The following ANKRD18A variants were observed in gnomAD, a reference collection of about 807,000 sequenced individuals.
ANKRD18A encodes the protein ankyrin repeat domain-containing protein 18A.
ANKRD18A carries 72 observed loss-of-function variants against 110.6 expected under a neutral mutation model. The ratio of observed to expected loss-of-function variants is 0.65; its 90% CI spans 0.54 to 0.79. The LOEUF is 0.79. ANKRD18A is among the 30% of genes least tolerant of loss of function. The pLI, the probability that ANKRD18A is intolerant of heterozygous loss-of-function variation, is 0.00. For synonymous variants in ANKRD18A, 305 were observed against 410.3 expected (o/e 0.74, Z 3.10); for missense variants, 934 against 1,163.3 (o/e 0.80, Z 2.87).
chr9:38,586,301 C>T lies in ANKRD18A; in HGVS notation c.2129G>A (p.Cys710Tyr), dbSNP rs565586851. 3 of 1,582,886 alleles carry T rather than the reference C, an allele frequency of 1.9e-6. No homozygotes were observed. The highest frequency in any genetic ancestry group is 2.6e-6 in the Non-Finnish European group (3 of 1,161,060). ...TAACATATTTATTGTCATTTCTAGG[C>T]ATTTCTTATATCTGCAGAAATGTAA... ...LEEEATGYKK[C>Y]LEMTINMLNA... Residue 710 changes from cysteine (C) to tyrosine (Y), a missense_variant, in exon 12 of 16, where the codon TGC becomes TAC. Around this residue, in one of 4 missense-constraint regions of ANKRD18A, gnomAD observed 79 missense variants for 122.8 expected, o/e 0.64. Coordinates refer to ENST00000399703, the MANE Select transcript of ANKRD18A (RefSeq NM_147195.4).
chr9:38,569,692 G>T (rs186940420), downstream of ANKRD18A, among the ~76,000 whole-genome samples: 5 of 152,208 alleles, frequency 3.3e-5, no homozygotes, highest in South Asian at 1.0e-3. Flanking sequence ...TGTTTGTCTT[G>T]CTTCTCTGGC....
chr9:38,569,262 G>A (rs1823552468), downstream of ANKRD18A: 2 of 967,354 alleles, frequency 2.1e-6, no homozygotes, highest in Non-Finnish European at 2.5e-6. Flanking sequence ...AAGGATGAAT[G>A]AGATGACTGT....
rs1431534581 is a variant in ANKRD18A at position 38,593,768 on chromosome 9, C to A, written c.1996G>T (p.Glu666Ter). Residue 666 changes from glutamate (E) to a stop codon, truncating the protein, a stop_gained, in exon 10 of 16, where the codon GAA (glutamate) becomes TAA (stop). Coordinates refer to ENST00000399703, the MANE Select transcript of ANKRD18A (RefSeq NM_147195.4). LOFTEE classifies it high-confidence loss of function. ...WTSKKKLFQV[E>*]IQPEEKHEEF... ...TTAAATTCCATACATACTTGAATTTCTACTTGAAATAATTTCTTCTTTGAA... is the reference window on the plus strand; with the variant it reads ...TTAAATTCCATACATACTTGAATTTATACTTGAAATAATTTCTTCTTTGAA... The A allele has an allele frequency of 6.5e-7, 1 of 1,527,828 alleles. No individual in the cohort carries two copies. Among genetic ancestry groups the A allele is most frequent in the Non-Finnish European group, 8.8e-7 (1 of 1,138,622 alleles). The allele number at this position is 1,527,828 out of a possible 1,614,324, so 94.6% of individuals were successfully genotyped here.
At chr9:38,586,106 TTACC>T in intron 12 of ANKRD18A, 73 bp downstream of exon 12, 2 of 1,339,266 alleles carry the variant, frequency 1.5e-6, no homozygotes, top group South Asian at 2.8e-5. Flanking sequence ...TGGCACACAT[TTACC>T]TATGTAACAA....
In ANKRD18A at chr9:38,575,610, G is replaced by C. The variant is rs1563953726; in HGVS notation, c.2830C>G (p.Pro944Ala). ...TCAACACAAGGTAACTCTGGTTCTG[G>C]CCTTGTAGGAAGAGTGCTGAGAAAA... ...KYFLSTLPTR[P>A]EPELPCVENL... Residue 944 changes from proline to alanine, a missense_variant, in exon 15 of 16, where the codon CCA (proline) becomes GCA (alanine). Pro to Ala is a conservative substitution (Grantham distance 27). Transcript: ENST00000399703. 6.4e-7 allele frequency: 1 copy of C among 1,551,654 alleles called. No individual in the cohort carries two copies. The highest frequency in any genetic ancestry group is 2.0e-5 in the Admixed American group (1 of 50,996).
chr9:38,582,569 G>C (rs1305135186), intron 12 of ANKRD18A, among the ~76,000 whole-genome samples: 6 of 151,706 alleles, frequency 4.0e-5, no homozygotes, highest in African/African-American at 1.5e-4. Flanking sequence ...TTTTATACAA[G>C]GTAACAAAAA....
At chr9:38,570,111 G>A (rs1823585834), downstream of ANKRD18A, among the ~76,000 whole-genome samples, 3 of 152,052 alleles carry the variant, frequency 2.0e-5, no homozygotes, top group Admixed American at 2.0e-4. Flanking sequence ...GGCCCCTAAT[G>A]AGCACTCCCC....
At chr9:38,609,188 T>C (rs1249647246) in intron 5 of ANKRD18A, among the ~76,000 whole-genome samples, 3 of 152,232 alleles carry the variant, frequency 2.0e-5, no homozygotes, top group South Asian at 4.1e-4. Flanking sequence ...TAAAAAACAC[T>C]GTAGCTGTGG....
chr9:38,582,971 T>C (rs1459614485), intron 12 of ANKRD18A, among the ~76,000 whole-genome samples: 6 of 152,214 alleles, frequency 3.9e-5, no homozygotes, highest in Admixed American at 2.0e-4. Flanking sequence ...CATTCATAAA[T>C]AACAAGATAA....
rs957957003 is a variant in ANKRD18A at position 38,601,337 on chromosome 9, A to G, written c.863-133T>C. ...GCTTAATGTTTACTGGAATATTTAC[A>G]TTTTTAAGAAACATTTCTAATTACC... On this transcript the variant is annotated intron_variant, in intron 7 of 15. Coordinates refer to ENST00000399703, the MANE Select transcript of ANKRD18A (RefSeq NM_147195.4). 22 of 942,440 alleles carry G rather than the reference A, an allele frequency of 2.3e-5. No homozygotes were observed. In the African/African-American group the frequency reaches 2.5e-4, roughly 11 times the overall value. 58.4% of individuals were successfully genotyped at this position (942,440 alleles called of 1,614,324 possible).
chr9:38,579,434 C>G (rs934968650), intron 12 of ANKRD18A, among the ~76,000 whole-genome samples: 1 of 151,960 alleles, frequency 6.6e-6, no homozygotes, highest in South Asian at 2.1e-4. Context: ...GACAAATATC[C>G]AAAGTACACA....
downstream of ANKRD18A, chr9:38,569,216 G>T (rs1823550254): frequency 2.0e-6 from 2 of 981,436 alleles, no homozygotes; most frequent in South Asian, 9.4e-5. Context: ...GGTGGTCCTG[G>T]GGGTGTCCAG....
intron 9 of ANKRD18A, among the ~76,000 whole-genome samples, chr9:38,594,378 T>C (rs1228752045): frequency 2.0e-5 from 3 of 152,176 alleles, no homozygotes; most frequent in African/African-American, 4.8e-5. Flanking sequence ...GGGGATTCAA[T>C]GTCAAACTCA....
Position 38,593,786 on chromosome 9 carries a change from T to G in ANKRD18A, c.1978A>C (p.Lys660Gln). 6.5e-7 allele frequency: 1 copy of G among 1,532,362 alleles called. No individual in the cohort carries two copies. The highest frequency in any genetic ancestry group is 8.8e-7 in the Non-Finnish European group (1 of 1,140,424). The allele number at this position is 1,532,362 out of a possible 1,614,324, so 94.9% of individuals were successfully genotyped here. Residue 660 changes from lysine (K) to glutamine (Q), a missense_variant, in exon 10 of 16, where the codon AAG (lysine) becomes CAG (glutamine). By Grantham distance (53) the Lys-to-Gln change is moderately conservative. Transcript: ENST00000399703. ...INLNETWTSK[K>Q]KLFQVEIQPE... ...TGAATTTCTACTTGAAATAATTTCT[T>G]CTTTGAAGTCCATGTCTCATTCAAA...
At chr9:38,576,818 A>G (rs545681873) in intron 14 of ANKRD18A, among the ~76,000 whole-genome samples, 1 of 152,332 alleles carries the variant, frequency 6.6e-6, no homozygotes, top group Non-Finnish European at 1.5e-5. Flanking sequence ...TAACTACATG[A>G]GACTTTTCAG....
intron 8 of ANKRD18A, among the ~76,000 whole-genome samples, chr9:38,597,426 A>C (rs1313777967): frequency 6.6e-6 from 1 of 152,148 alleles, no homozygotes; most frequent in Non-Finnish European, 1.5e-5. Context: ...GATGTTCCTC[A>C]AATTTACATT....
At chr9:38,603,345 A>G (rs1212440263) in intron 6 of ANKRD18A, 133 bp from the exon 7 acceptor site, 1 of 1,247,758 alleles carries the variant, frequency 8.0e-7, no homozygotes, top group Non-Finnish European at 1.1e-6. Context: ...GCTTGCACTC[A>G]TCACCACAAA....
rs1405040587 is a variant in ANKRD18A at position 38,586,180 on chromosome 9, T to C, written c.2247+3A>G. The C allele has an allele frequency of 6.2e-7, 1 of 1,600,768 alleles. No individual in the cohort carries two copies. Among genetic ancestry groups the C allele is most frequent in the Non-Finnish European group, 8.5e-7 (1 of 1,174,578 alleles). ...AGATAAAATAATAATTTTTTAAAAT[T>C]ACCTTCTGTTTTAGCTTCTTAAACA... On this transcript the variant is annotated splice_donor_region_variant and intron_variant, in intron 12 of 15. Transcript: ENST00000399703.
chr9:38,587,808 A>C (rs1179018959), intron 11 of ANKRD18A, among the ~76,000 whole-genome samples: 4 of 152,244 alleles, frequency 2.6e-5, no homozygotes, highest in African/African-American at 9.6e-5. Flanking sequence ...CAAAATCATT[A>C]AAGAATACGT....
Sources: gnomAD v4.1 joint callset for allele counts (sites outside exome capture counted in the v4.1 genomes callset) on GRCh38, gnomAD v4.1.1 for gene constraint, gnomAD v4.1.1 regional missense constraint, MANE v1.5 for transcripts, NCBI Gene and HGNC (gene_info 2026-07-23, HGNC 2026-07-21) for gene names.